The following NRG3 variants were observed in gnomAD, a reference collection of about 807,000 sequenced individuals.
NRG3 encodes the protein neuregulin 3.
NRG3 carries 31 observed loss-of-function variants against 66.9 expected under a neutral mutation model. The observed-to-expected ratio is 0.46, with a 90% CI of 0.35 to 0.63. The LOEUF is 0.63. Ranked by LOEUF, NRG3 falls within the 20% of genes least tolerant of loss-of-function variation. The pLI is 0.00. For synonymous variants in NRG3, 393 were observed against 359.4 expected (o/e 1.09, Z -1.06); for missense variants, 910 against 878.9 (o/e 1.04, Z -0.45).
intron 1 of NRG3, among the ~76,000 whole-genome samples, chr10:81,906,195 C>T (rs910940484): frequency 1.3e-5 from 2 of 152,008 alleles, no homozygotes; most frequent in African/African-American, 4.8e-5. Context: ...GTGTTGGCTA[C>T]TACTGCTGTT....
intron 1 of NRG3, among the ~76,000 whole-genome samples, chr10:82,157,887 A>C (rs2071298347): frequency 6.6e-6 from 1 of 151,724 alleles, no homozygotes; most frequent in African/African-American, 2.4e-5. Context: ...TGTTTTAAGA[A>C]TACAACCCAA....
chr10:82,277,038 A>G (rs1229966973), intron 1 of NRG3, among the ~76,000 whole-genome samples: 3 of 152,094 alleles, frequency 2.0e-5, no homozygotes, highest in Admixed American at 2.0e-4. Context: ...ATGTTACCAT[A>G]CAACTGAGAT....
intron 1 of NRG3, among the ~76,000 whole-genome samples, chr10:81,900,387 T>C (rs902559839): frequency 6.6e-6 from 1 of 152,260 alleles, no homozygotes; most frequent in African/African-American, 2.4e-5. Flanking sequence ...TCATACAAAT[T>C]TACTACTTTA....
intron 4 of NRG3, among the ~76,000 whole-genome samples, chr10:82,942,555 T>A (rs563093336): frequency 6.6e-6 from 1 of 151,844 alleles, no homozygotes; most frequent in African/African-American, 2.4e-5. Context: ...TGAGGGAGAG[T>A]ATGAAACTAG....
intron 2 of NRG3, among the ~76,000 whole-genome samples, chr10:82,427,631 T>C (rs914708441): frequency 3.9e-5 from 6 of 152,136 alleles, no homozygotes; most frequent in Non-Finnish European, 7.4e-5. Context: ...TCAGAAGGAA[T>C]ATTGGTTCGT....
At chr10:82,876,267 A>G (rs1444954082) in intron 4 of NRG3, among the ~76,000 whole-genome samples, 3 of 151,772 alleles carry the variant, frequency 2.0e-5, no homozygotes, top group Admixed American at 6.6e-5. Context: ...GTGTGAATAT[A>G]TGGACTTTAG....
At chr10:82,476,203 A>G (rs1308183512) in intron 2 of NRG3, among the ~76,000 whole-genome samples, 1 of 152,202 alleles carries the variant, frequency 6.6e-6, no homozygotes, top group Non-Finnish European at 1.5e-5. Context: ...CAACAAAACA[A>G]AAAACAAGTT....
intron 2 of NRG3, among the ~76,000 whole-genome samples, chr10:82,671,673 G>T (rs72829364): frequency 6.6e-6 from 1 of 151,926 alleles, no homozygotes; most frequent in Non-Finnish European, 1.5e-5. Context: ...TTTGTAAAAT[G>T]AGGTAAACGA....
intron 2 of NRG3, among the ~76,000 whole-genome samples, chr10:82,649,447 T>G (rs889987045): frequency 5.3e-5 from 8 of 150,864 alleles, no homozygotes; most frequent in Admixed American, 5.3e-4. Context: ...GTATTGTGCT[T>G]TCTGGTGCAG....
chr10:81,974,130 A>G (rs2060029956), intron 1 of NRG3, among the ~76,000 whole-genome samples: 1 of 152,178 alleles, frequency 6.6e-6, no homozygotes, highest in South Asian at 2.1e-4. Context: ...GCATATGGCT[A>G]GCCAGTTATC....
intron 1 of NRG3, among the ~76,000 whole-genome samples, chr10:82,238,083 A>T (rs1467065844): frequency 6.6e-6 from 1 of 152,168 alleles, no homozygotes; most frequent in Non-Finnish European, 1.5e-5. Context: ...TAAAGTTAAT[A>T]CTCTAGCTGC....
At chr10:82,694,171 C>T (rs1261604919) in intron 2 of NRG3, among the ~76,000 whole-genome samples, 3 of 152,212 alleles carry the variant, frequency 2.0e-5, no homozygotes, top group African/African-American at 4.8e-5. Flanking sequence ...CTGGTTGGTG[C>T]GTTTTTACAG....
At chr10:81,931,945 G>T (rs1221549898) in intron 1 of NRG3, among the ~76,000 whole-genome samples, 1 of 152,112 alleles carries the variant, frequency 6.6e-6, no homozygotes, top group African/African-American at 2.4e-5. Context: ...TCAGGATAAG[G>T]CACGTGTATA....
chr10:82,675,107 C>T (rs1241887128), intron 2 of NRG3, among the ~76,000 whole-genome samples: 4 of 151,918 alleles, frequency 2.6e-5, no homozygotes, highest in Non-Finnish European at 4.4e-5. Context: ...TACAGGCACC[C>T]GCCATCATGC....
chr10:82,627,543 T>C (rs1405436381), intron 2 of NRG3, among the ~76,000 whole-genome samples: 1 of 152,186 alleles, frequency 6.6e-6, no homozygotes, highest in Non-Finnish European at 1.5e-5. Context: ...CTGGCAATTT[T>C]CTGGAATTAG....
At chr10:82,880,574 A>T (rs1014794466) in intron 4 of NRG3, among the ~76,000 whole-genome samples, 30 of 152,188 alleles carry the variant, frequency 2.0e-4, no homozygotes, top group Non-Finnish European at 3.7e-4. Flanking sequence ...GGAGCATAAT[A>T]TAAAATGGTG....
At chr10:82,968,661 C>CTGGGAGGA (rs374549485) in intron 6 of NRG3, among the ~76,000 whole-genome samples, 1 of 146,804 alleles carries the variant, frequency 6.8e-6, no homozygotes, top group Admixed American at 6.8e-5. Context: ...GGAAGGGAGG[C>CTGGGAGGA]AGGGAGGGAG....
intron 2 of NRG3, among the ~76,000 whole-genome samples, chr10:82,514,040 G>A (rs927297961): frequency 1.3e-5 from 2 of 151,938 alleles, no homozygotes; most frequent in Admixed American, 6.6e-5. Flanking sequence ...GAGGTTGTTT[G>A]TTTTTTCCTG....
chr10:82,812,764 C>T (rs1436048116), intron 3 of NRG3, among the ~76,000 whole-genome samples: 3 of 152,128 alleles, frequency 2.0e-5, no homozygotes, highest in African/African-American at 7.2e-5. Flanking sequence ...TAAAATTACT[C>T]AGTAGAAACT....
Sources: gnomAD v4.1 joint callset for allele counts (sites outside exome capture counted in the v4.1 genomes callset) on GRCh38, gnomAD v4.1.1 for gene constraint, MANE v1.5 for transcripts, NCBI Gene and HGNC (gene_info 2026-07-23, HGNC 2026-07-21) for gene names.